The following C1orf105 variants were observed in gnomAD, a reference collection of about 807,000 sequenced individuals.
The protein encoded by C1orf105 is chromosome 1 open reading frame 105.
In C1orf105, 17 loss-of-function variants were observed where a neutral mutation model predicts 20.8. The ratio of observed to expected loss-of-function variants is 0.82; its 90% CI spans 0.56 to 1.23. C1orf105 has a LOEUF of 1.23. Among genes scored for constraint, C1orf105 ranks in the 50% most tolerant of loss-of-function variants. The probability of loss-of-function intolerance (pLI) is 0.00; values close to 1 mark genes in which losing one functional copy is unlikely to be tolerated. For synonymous variants in C1orf105, 72 were observed against 72.1 expected, an observed-to-expected ratio of 1.00 and a Z score of 0.01; for missense variants, 219 against 213.5, an observed-to-expected ratio of 1.03 and a Z score of -0.16.
intron 3 of C1orf105, among the ~76,000 whole-genome samples, chr1:172,449,610 G>A (rs78861957): frequency 0.057 from 8,705 of 152,218 alleles, 274 homozygotes; most frequent in Middle Eastern, 0.13. Flanking sequence ...ACAAGGACGC[G>A]GCTGGGCCCA....
intron 4 of C1orf105, among the ~76,000 whole-genome samples, chr1:172,459,518 GTAA>G (rs140819776): frequency 6.6e-6 from 1 of 151,880 alleles, no homozygotes; most frequent in Admixed American, 6.6e-5. Context: ...TAGGATGGTT[GTAA>G]TAATAATAAT....
intron 3 of C1orf105, among the ~76,000 whole-genome samples, chr1:172,456,195 T>C (rs1649220824): frequency 6.6e-6 from 1 of 152,036 alleles, no homozygotes; most frequent in Non-Finnish European, 1.5e-5. Flanking sequence ...CCACCTAGCC[T>C]ATGTCTCACT....
chr1:172,465,478 T>C, intron 6 of C1orf105, 115 bp downstream of exon 6: 1 of 820,676 alleles, frequency 1.2e-6, no homozygotes, highest in East Asian at 2.6e-5. Flanking sequence ...CCTCACTTTC[T>C]ATCCCTTTCT....
At chr1:172,466,053 A>G (rs1650029307) in intron 6 of C1orf105, among the ~76,000 whole-genome samples, 7 of 152,202 alleles carry the variant, frequency 4.6e-5, no homozygotes, top group Admixed American at 3.9e-4. Flanking sequence ...TTTTTCTCTC[A>G]TTTGATACAT....
intron 1 of C1orf105, among the ~76,000 whole-genome samples, chr1:172,433,751 C>T (rs1397719305): frequency 6.6e-6 from 1 of 152,118 alleles, no homozygotes; most frequent in Admixed American, 6.6e-5. Context: ...TAACACATAA[C>T]AATATTAACT....
intron 1 of C1orf105, among the ~76,000 whole-genome samples, chr1:172,435,139 T>C (rs1299084141): frequency 1.3e-5 from 2 of 152,168 alleles, no homozygotes; most frequent in East Asian, 1.9e-4. Context: ...CAGGACCAGA[T>C]GGATTCACAG....
At chr1:172,431,248 G>A in intron 1 of C1orf105, 1 of 435,974 alleles carries the variant, frequency 2.3e-6, no homozygotes, top group Non-Finnish European at 4.0e-6. Context: ...AAACAGCCAA[G>A]TTGTGAATGC....
chr1:172,455,543 A>G (rs1183390162), intron 3 of C1orf105, among the ~76,000 whole-genome samples: 1 of 152,234 alleles, frequency 6.6e-6, no homozygotes, highest in Non-Finnish European at 1.5e-5. Context: ...AATCCCAAAC[A>G]TAAGTTTAGC....
intron 2 of C1orf105, among the ~76,000 whole-genome samples, chr1:172,446,107 T>C (rs1376149060): frequency 1.3e-5 from 2 of 152,296 alleles, no homozygotes; most frequent in East Asian, 3.9e-4. Context: ...TCTCAGTAAA[T>C]AGGTAGACGG....
In C1orf105 at chr1:172,420,770, C is replaced by T. The variant is rs74402171; in HGVS notation, c.-116C>T. 8.0e-5 allele frequency: 85 copies of T among 1,068,786 alleles called. 2 individuals carry two copies. The East Asian group carries it at 2.1e-3, about 26-fold the overall frequency. 66.2% of individuals were successfully genotyped at this position (1,068,786 alleles called of 1,614,324 possible). On this transcript the variant is annotated 5_prime_UTR_variant, in exon 1 of 7. Transcript: ENST00000367727. ...CTGGCCTGTTTACTTCGTCTCCTAA[C>T]AAAAAACACTTTGGATTCAGGTTCT...
intron 1 of C1orf105, among the ~76,000 whole-genome samples, chr1:172,432,649 A>G (rs1389958801): frequency 2.0e-5 from 3 of 152,246 alleles, no homozygotes; most frequent in Non-Finnish European, 4.4e-5. Context: ...TAAAACCACA[A>G]AGATGGGGAG....
intron 1 of C1orf105, among the ~76,000 whole-genome samples, chr1:172,429,309 T>C (rs540406284): frequency 2.6e-5 from 4 of 152,306 alleles, no homozygotes; most frequent in East Asian, 1.9e-4. Context: ...CTAGCACGCA[T>C]TGGGTGCTCT....
rs771707594 is a variant in C1orf105 at position 172,420,867 on chromosome 1, A to G, written c.-19A>G. ...CAGTCTCCAGCTAGAAAAACTCAGAACATCTAAAGATCTGAAAGATGGAAA... is the reference window on the plus strand; with the variant it reads ...CAGTCTCCAGCTAGAAAAACTCAGAGCATCTAAAGATCTGAAAGATGGAAA... On this transcript the variant is annotated 5_prime_UTR_variant, in exon 1 of 7. Coordinates refer to ENST00000367727, the MANE Select transcript of C1orf105 (RefSeq NM_139240.4). 10 of 1,611,706 alleles carry G rather than the reference A, an allele frequency of 6.2e-6. 1 individual carries two copies. The highest frequency in any genetic ancestry group is 8.5e-6 in the Non-Finnish European group (10 of 1,178,210).
intron 3 of C1orf105, among the ~76,000 whole-genome samples, chr1:172,449,220 A>G (rs1648339542): frequency 6.6e-6 from 1 of 152,122 alleles, no homozygotes; most frequent in Non-Finnish European, 1.5e-5. Context: ...CAGTCAATAT[A>G]TGTTTACGGA....
chr1:172,437,441 C>A (rs190957547), intron 1 of C1orf105, among the ~76,000 whole-genome samples: 1 of 151,728 alleles, frequency 6.6e-6, no homozygotes, highest in Non-Finnish European at 1.5e-5. Context: ...TGCAGGGACA[C>A]GGATAAAGCT....
At chr1:172,427,661 T>C (rs1239628682) in intron 1 of C1orf105, among the ~76,000 whole-genome samples, 1 of 152,230 alleles carries the variant, frequency 6.6e-6, no homozygotes, top group Non-Finnish European at 1.5e-5. Flanking sequence ...TCTGATCACA[T>C]TTGATCACCC....
chr1:172,466,320 T>C (rs748683031), intron 6 of C1orf105, among the ~76,000 whole-genome samples: 23 of 152,152 alleles, frequency 1.5e-4, no homozygotes, highest in Non-Finnish European at 2.8e-4. Flanking sequence ...TACCAAAATA[T>C]TGGCCTAGTT....
At chr1:172,462,867 G>A (rs1649794104) in intron 5 of C1orf105, among the ~76,000 whole-genome samples, 1 of 151,964 alleles carries the variant, frequency 6.6e-6, no homozygotes, top group African/African-American at 2.4e-5. Flanking sequence ...CCACCTCCCA[G>A]GTTCAAGCAA....
intron 4 of C1orf105, among the ~76,000 whole-genome samples, chr1:172,459,558 T>A (rs574022238): frequency 6.6e-6 from 1 of 152,214 alleles, no homozygotes; most frequent in African/African-American, 2.4e-5. Context: ...ATAACAAGTG[T>A]TGGCCAGGAT....
Sources: allele counts gnomAD v4.1 joint callset (sites outside exome capture counted in the v4.1 genomes callset), GRCh38; gene constraint gnomAD v4.1.1; transcripts MANE v1.5; gene names NCBI Gene and HGNC (gene_info 2026-07-23, HGNC 2026-07-21).